The following GPC3 variants were observed in gnomAD, a reference collection of about 807,000 sequenced individuals.
GPC3 encodes glypican 3, also known as glypican-3.
Under a neutral mutation model 34.4 loss-of-function variants are expected in GPC3, and 3 were observed. That is an observed-to-expected ratio of 0.09 (90% confidence interval 0.04 to 0.23). The LOEUF (loss-of-function observed/expected upper bound fraction) is 0.23. GPC3 is among the 10% of genes least tolerant of loss of function. The pLI, the probability that GPC3 is intolerant of heterozygous loss-of-function variation, is 1.00. For missense variants in GPC3, 351 were observed against 445.6 expected (o/e 0.79, Z 1.91); for synonymous variants, 177 against 174.0 (o/e 1.02, Z -0.13).
At chrX:133,540,773 G>T (rs1291223612) in intron 7 of GPC3, among the ~76,000 whole-genome samples, 3 of 111,364 alleles carry the variant, frequency 2.7e-5, no homozygotes, top group Non-Finnish European at 5.6e-5. Context: ...ACAGAATTAT[G>T]GCAGGGGCTG....
rs765129459 is a variant in GPC3 at position 133,918,602 on chromosome X, G to T, written c.337+34448C>A. Among the ~76,000 whole-genome samples the T allele has an allele frequency of 3.6e-5, 4 of 111,966 alleles. No individual in the cohort carries two copies. The South Asian group carries it at 1.5e-3, about 42-fold the overall frequency. ...CTGCCTCTGCCTTTTAATATATTTT[G>T]AATAGTGAGATTTATCTCCCAACTT... On this transcript the variant is annotated intron_variant, in intron 2 of 7. Coordinates refer to ENST00000370818, the MANE Select transcript of GPC3 (RefSeq NM_004484.4).
rs756213198 is a variant in GPC3 at position 133,855,530 on chromosome X, G to GATATAT, written c.337+97514_337+97519dup. 3.3e-3 allele frequency among the ~76,000 whole-genome samples: 301 copies of GATATAT among 91,185 alleles called. 2 individuals carry two copies. The highest frequency in any genetic ancestry group is 0.012 in the African/African-American group (278 of 23,964). The allele number at this position is 91,185 out of a possible 115,157, so 79.2% of individuals were successfully genotyped here. A position where few individuals can be genotyped will look rare whatever the true frequency, so the allele number is the denominator to read the frequency against. ...TAAGTTATACAATATGCTGTTACAA[G>GATATAT]ATATATATATATATATATAGTAAAA... is the stretch of plus-strand genomic sequence containing the variant. On this transcript the variant is annotated intron_variant, in intron 2 of 7. Transcript: ENST00000370818.
chrX:133,605,827 T>C lies in GPC3; in HGVS notation c.1414-9228A>G, dbSNP rs2070044669. On this transcript the variant is annotated intron_variant, in intron 6 of 7. Transcript: ENST00000370818. Reference sequence around the variant, plus strand: ...AGCCTGGGTGGAATTTTTGTGGGTCTGGGAAAACCCTTCTGGATGCTCCCA... The same window carrying C: ...AGCCTGGGTGGAATTTTTGTGGGTCCGGGAAAACCCTTCTGGATGCTCCCA... Among the ~76,000 whole-genome samples, 4 of 111,796 alleles carry C rather than the reference T, an allele frequency of 3.6e-5. No homozygotes were observed. The Admixed American group carries it at 3.8e-4, about 11-fold the overall frequency.
At chrX:133,791,299 C>T (rs2072157435) in intron 2 of GPC3, among the ~76,000 whole-genome samples, 1 of 111,469 alleles carries the variant, frequency 9.0e-6, no homozygotes, top group South Asian at 3.8e-4. Context: ...ACTCAACTGG[C>T]TAGTCCCAGA....
intron 5 of GPC3, among the ~76,000 whole-genome samples, chrX:133,681,075 T>C (rs1245101076): frequency 1.8e-5 from 2 of 111,763 alleles, no homozygotes; most frequent in Admixed American, 9.5e-5. Flanking sequence ...ACTCCATCTA[T>C]CTCCCAGTAA....
chrX:133,739,832 G>A (rs1174662007), intron 3 of GPC3, among the ~76,000 whole-genome samples: 2 of 112,143 alleles, frequency 1.8e-5, no homozygotes, highest in East Asian at 2.8e-4. Flanking sequence ...GCAGTGAGCC[G>A]AGACGGCGCC....
At chrX:133,741,204 G>A (rs2071561307) in intron 3 of GPC3, among the ~76,000 whole-genome samples, 1 of 107,507 alleles carries the variant, frequency 9.3e-6, no homozygotes, top group South Asian at 4.2e-4. Context: ...CCTTGCCAGA[G>A]ACTGAATCTG....
At chrX:133,762,768 T>C in intron 2 of GPC3, 3 of 445,881 alleles carry the variant, frequency 6.7e-6, no homozygotes, top group Non-Finnish European at 1.2e-5. Flanking sequence ...TCGGGATTCC[T>C]GTCCTAACTC....
chrX:133,797,847 A>C (rs1442632497), intron 2 of GPC3, among the ~76,000 whole-genome samples: 1 of 111,158 alleles, frequency 9.0e-6, no homozygotes, highest in Non-Finnish European at 1.9e-5. Context: ...AAATTAGAAA[A>C]TAAAAAATAA....
intron 2 of GPC3, among the ~76,000 whole-genome samples, chrX:133,848,260 T>C (rs1331414249): frequency 1.8e-5 from 2 of 111,774 alleles, no homozygotes; most frequent in East Asian, 2.8e-4. Context: ...TAAAGAAATA[T>C]AGAGTGAGAC....
chrX:133,634,135 T>C (rs2070394205), intron 6 of GPC3, among the ~76,000 whole-genome samples: 1 of 111,826 alleles, frequency 8.9e-6, no homozygotes, highest in South Asian at 3.7e-4. Context: ...GAGATACCAC[T>C]ACACACCCAC....
intron 2 of GPC3, among the ~76,000 whole-genome samples, chrX:133,950,155 G>A (rs1467486636): frequency 1.8e-5 from 2 of 112,127 alleles, no homozygotes; most frequent in African/African-American, 6.5e-5. Context: ...AAGCAATTGT[G>A]CTGCCCCATT....
At chrX:133,928,646 T>C (rs1001377694) in intron 2 of GPC3, among the ~76,000 whole-genome samples, 2 of 112,184 alleles carry the variant, frequency 1.8e-5, no homozygotes, top group African/African-American at 3.2e-5. Context: ...TGTGAGGTGG[T>C]ACCTCATGGT....
At chrX:133,978,269 T>G (rs1321642142) in intron 1 of GPC3, among the ~76,000 whole-genome samples, 2 of 112,152 alleles carry the variant, frequency 1.8e-5, no homozygotes, top group Non-Finnish European at 3.8e-5. Context: ...TTATGAAGCT[T>G]GATGCCTTAG....
At chrX:133,927,476 T>C (rs1166546405) in intron 2 of GPC3, among the ~76,000 whole-genome samples, 1 of 109,490 alleles carries the variant, frequency 9.1e-6, no homozygotes, top group African/African-American at 3.3e-5. Flanking sequence ...GGGGGGACTT[T>C]CACTTTTTTT....
chrX:133,838,105 C>T (rs1054487395), intron 2 of GPC3, among the ~76,000 whole-genome samples: 1 of 112,479 alleles, frequency 8.9e-6, no homozygotes, highest in African/African-American at 3.2e-5. Context: ...TTTAAAAAAT[C>T]AGCAATTACA....
At position 133,945,475 on chromosome X, in the gene GPC3, T is replaced by C. The variant is rs771863546; in HGVS notation, c.337+7575A>G. On this transcript the variant is annotated intron_variant, in intron 2 of 7. Transcript: ENST00000370818. ...TACCCAACTCCCTCATGTGTTCTTCTCTTTGATCAACAGCATGTCTATCTG... is the reference window on the plus strand; with the variant it reads ...TACCCAACTCCCTCATGTGTTCTTCCCTTTGATCAACAGCATGTCTATCTG... Among the ~76,000 whole-genome samples, 6 of 111,518 alleles carry C rather than the reference T, an allele frequency of 5.4e-5. No individual in the cohort carries two copies. In the Admixed American group the frequency reaches 5.7e-4, roughly 11 times the overall value.
chrX:133,636,535 C>T (rs2070427492), intron 6 of GPC3, among the ~76,000 whole-genome samples: 1 of 112,074 alleles, frequency 8.9e-6, no homozygotes, highest in Non-Finnish European at 1.9e-5. Flanking sequence ...GACATGGTGG[C>T]ATGCACATGT....
At chrX:133,905,381 T>C (rs2076163496) in intron 2 of GPC3, among the ~76,000 whole-genome samples, 2 of 112,363 alleles carry the variant, frequency 1.8e-5, no homozygotes, top group Admixed American at 1.9e-4. Context: ...TCCAATGGAG[T>C]TATCTGCAGG....
Sources: gnomAD v4.1 joint callset for allele counts (sites outside exome capture counted in the v4.1 genomes callset) on GRCh38, gnomAD v4.1.1 for gene constraint, MANE v1.5 for transcripts, NCBI Gene and HGNC (gene_info 2026-07-23, HGNC 2026-07-21) for gene names.